CLNK: variants seen among roughly 807,000 people sequenced by gnomAD.
CLNK encodes the protein cytokine dependent hematopoietic cell linker, also known as cytokine-dependent hematopoietic cell linker.
CLNK carries 74 observed loss-of-function variants against 68.6 expected under a neutral mutation model. That is an observed-to-expected ratio of 1.08 (90% CI 0.89 to 1.31). CLNK has a LOEUF of 1.31. CLNK is among the 50% of genes most tolerant of loss of function. The pLI is 0.00. For missense variants in CLNK, 553 were observed against 515.3 expected (o/e 1.07, Z -0.71); for synonymous variants, 198 against 172.2 (o/e 1.15, Z -1.17).
the CLNK span, among the ~76,000 whole-genome samples, chr4:10,698,270 T>C: frequency 6.6e-6 from 1 of 152,166 alleles, no homozygotes; most frequent in Non-Finnish European, 1.5e-5. Flanking sequence ...TAGGGTTTTA[T>C]TAAACATTAT....
intron 2 of CLNK, among the ~76,000 whole-genome samples, chr4:10,641,891 C>T (rs145123062): frequency 5.9e-5 from 9 of 152,260 alleles, no homozygotes; most frequent in African/African-American, 2.2e-4. Flanking sequence ...GATGGTTTTA[C>T]AAAGGGTTTC....
intron 4 of CLNK, among the ~76,000 whole-genome samples, chr4:10,577,006 G>A (rs371499260): frequency 2.0e-5 from 3 of 152,186 alleles, no homozygotes; most frequent in African/African-American, 7.2e-5. Flanking sequence ...CTGTTGCCAT[G>A]GGATATTCAC....
At chr4:10,626,657 T>C (rs867317539) in intron 2 of CLNK, among the ~76,000 whole-genome samples, 4 of 152,238 alleles carry the variant, frequency 2.6e-5, no homozygotes, top group African/African-American at 9.6e-5. Context: ...ATACTAATTT[T>C]TTGGTAAAAA....
intron 4 of CLNK, among the ~76,000 whole-genome samples, chr4:10,576,691 G>A (rs1241618259): frequency 2.0e-5 from 3 of 152,010 alleles, no homozygotes; most frequent in African/African-American, 7.3e-5. Context: ...ACTCACCTTG[G>A]GAGCTGAAAA....
the CLNK span, among the ~76,000 whole-genome samples, chr4:10,717,104 G>A: frequency 3.3e-5 from 5 of 152,118 alleles, no homozygotes; most frequent in African/African-American, 1.2e-4. Flanking sequence ...TTGAAATGAG[G>A]GGCCCCAAAT....
In CLNK at chr4:10,584,958, A is replaced by T. The variant is rs1162916170; in HGVS notation, c.84-3T>A. 6.2e-7 allele frequency: 1 copy of T among 1,613,542 alleles called. No homozygotes were observed. Among genetic ancestry groups the T allele is most frequent in the East Asian group, 2.2e-5 (1 of 44,886 alleles). On this transcript the variant is annotated splice_region_variant and splice_polypyrimidine_tract_variant and intron_variant, in intron 3 of 18. Coordinates refer to ENST00000226951, the MANE Select transcript of CLNK (RefSeq NM_052964.4). Reference sequence around the variant, plus strand: ...CACTATTGATGCGAGGCCATGACCTAGGGCAGAAAAGAGAACCAAGTTAAA... The same window carrying T: ...CACTATTGATGCGAGGCCATGACCTTGGGCAGAAAAGAGAACCAAGTTAAA...
rs549163675 is a variant in CLNK at position 10,676,445 on chromosome 4, T to A, written c.-43+8223A>T. Among the ~76,000 whole-genome samples, 39 of 151,012 alleles carry A rather than the reference T, an allele frequency of 2.6e-4. 1 individual carries two copies. The highest frequency in any genetic ancestry group is 5.0e-4 in the Non-Finnish European group (34 of 67,810). ...GAGAGTGCTTTCCTAGTTTTTCTGC[T>A]ATTATGTATGGCACATTTTTATAAA... On this transcript the variant is annotated intron_variant, in intron 1 of 18. Transcript: ENST00000226951.
intron 11 of CLNK, among the ~76,000 whole-genome samples, chr4:10,533,701 G>C (rs906204424): frequency 6.6e-6 from 1 of 152,168 alleles, no homozygotes; most frequent in Non-Finnish European, 1.5e-5. Context: ...TTATTTTGGG[G>C]TTAAAATGTG....
At chr4:10,545,073 A>G (rs1486034198) in intron 8 of CLNK, among the ~76,000 whole-genome samples, 1 of 152,118 alleles carries the variant, frequency 6.6e-6, no homozygotes, top group African/African-American at 2.4e-5. Context: ...TTTCAGCATG[A>G]GTTTTGGAGG....
chr4:10,615,498 C>T (rs529507545), intron 2 of CLNK, among the ~76,000 whole-genome samples: 97 of 151,886 alleles, frequency 6.4e-4, no homozygotes, highest in East Asian at 3.9e-4. Context: ...GCCTGGGCAA[C>T]GGAGTAAGAC....
the CLNK span, among the ~76,000 whole-genome samples, chr4:10,718,067 C>A: frequency 3.9e-5 from 6 of 151,956 alleles, no homozygotes; most frequent in South Asian, 1.2e-3. Flanking sequence ...ATACAATAAC[C>A]AAAATTAAAA....
chr4:10,699,285 C>T, the CLNK span, among the ~76,000 whole-genome samples: 143 of 46,080 alleles, frequency 3.1e-3, 5 homozygotes, highest in African/African-American at 7.7e-3. Flanking sequence ...ACACCACATA[C>T]GTGTATACAC....
chr4:10,597,930 G>T (rs1282145256), intron 3 of CLNK, 48 bp downstream of exon 3: 7 of 1,283,466 alleles, frequency 5.5e-6, no homozygotes, highest in Admixed American at 2.0e-5. Flanking sequence ...ATTTGCTACA[G>T]AATTAAAATT....
At chr4:10,670,304 C>A (rs1724577951) in intron 1 of CLNK, among the ~76,000 whole-genome samples, 1 of 152,206 alleles carries the variant, frequency 6.6e-6, no homozygotes, top group Admixed American at 6.5e-5. Flanking sequence ...TACTTGATTA[C>A]AGTCATACAG....
the CLNK span, among the ~76,000 whole-genome samples, chr4:10,709,007 C>T: frequency 6.6e-6 from 1 of 152,102 alleles, no homozygotes; most frequent in South Asian, 2.1e-4. Flanking sequence ...TGAGATGGAC[C>T]TACCAAACAG....
intron 8 of CLNK, among the ~76,000 whole-genome samples, chr4:10,547,297 TA>T (rs1577121044): frequency 6.6e-6 from 1 of 152,146 alleles, no homozygotes; most frequent in East Asian, 1.9e-4. Context: ...GAATCTTTTT[TA>T]AACCACCTCA....
chr4:10,612,229 C>T (rs1722059765), intron 2 of CLNK, among the ~76,000 whole-genome samples: 1 of 152,260 alleles, frequency 6.6e-6, no homozygotes, highest in East Asian at 1.9e-4. Flanking sequence ...AATGGGGCCC[C>T]GCCCACAGGA....
chr4:10,684,802 TG>T (rs1305038877), upstream of CLNK: 2 of 152,188 alleles, frequency 1.3e-5, no homozygotes, highest in African/African-American at 4.8e-5. Flanking sequence ...TGCTAAGCAG[TG>T]CCCTTCAGCA....
At chr4:10,588,130 G>A (rs147081509) in intron 3 of CLNK, among the ~76,000 whole-genome samples, 106 of 152,350 alleles carry the variant, frequency 7.0e-4, no homozygotes, top group African/African-American at 2.2e-3. Context: ...ATTGTGTACA[G>A]TGAGCTTAAT....
Sources: gnomAD v4.1 joint callset for allele counts (sites outside exome capture counted in the v4.1 genomes callset) on GRCh38, gnomAD v4.1.1 for gene constraint, MANE v1.5 for transcripts, NCBI Gene and HGNC (gene_info 2026-07-23, HGNC 2026-07-21) for gene names.